Variants in CELF2 observed in about 807,000 individuals in gnomAD.
The protein encoded by CELF2 is CUGBP Elav-like family member 2.
A neutral mutation model predicts 62.6 loss-of-function variants in CELF2; 8 were observed. The observed-to-expected ratio is 0.13, with a 90% CI of 0.07 to 0.23. CELF2 has a LOEUF of 0.23. Among genes scored for constraint, CELF2 ranks in the 10% least tolerant of loss-of-function variants. CELF2 has a pLI of 1.00. For missense variants in CELF2, 333 were observed against 671.0 expected, an observed-to-expected ratio of 0.50 and a Z score of 5.56; for synonymous variants, 258 against 250.0, an observed-to-expected ratio of 1.03 and a Z score of -0.30.
intron 1 of CELF2, among the ~76,000 whole-genome samples, chr10:10,840,426 T>C (rs34460043): frequency 0.13 from 19,534 of 152,118 alleles, 1,613 homozygotes; most frequent in Non-Finnish European, 0.19. Flanking sequence ...TGGTATCTCA[T>C]TGTTGTTTAA....
chr10:10,762,708 A>G, the CELF2 span, among the ~76,000 whole-genome samples: 2 of 152,132 alleles, frequency 1.3e-5, no homozygotes, highest in African/African-American at 4.8e-5. Context: ...CTTACCCTCT[A>G]TGGTGAGCAG....
the CELF2 span, among the ~76,000 whole-genome samples, chr10:10,468,690 C>T: frequency 6.6e-6 from 1 of 151,968 alleles, no homozygotes. Context: ...GTTTTCTTCA[C>T]AATTTGATGT....
chr10:10,968,350 G>A (rs540262937), intron 2 of CELF2, among the ~76,000 whole-genome samples: 18 of 152,094 alleles, frequency 1.2e-4, no homozygotes, highest in Non-Finnish European at 2.4e-4. Context: ...GGTGGAATGC[G>A]TGATGATGTT....
chr10:10,524,293 G>T, the CELF2 span, among the ~76,000 whole-genome samples: 1 of 151,932 alleles, frequency 6.6e-6, no homozygotes, highest in Non-Finnish European at 1.5e-5. Flanking sequence ...AAGTTTAAAA[G>T]ATTATGTTCC....
intron 2 of CELF2, among the ~76,000 whole-genome samples, chr10:11,183,864 CTA>C (rs2074152156): frequency 6.6e-6 from 1 of 152,110 alleles, no homozygotes; most frequent in South Asian, 2.1e-4. Flanking sequence ...ATATTTACTG[CTA>C]GTTTGTTTCT....
intron 2 of CELF2, among the ~76,000 whole-genome samples, chr10:11,209,836 G>GA (rs2061374524): frequency 6.6e-6 from 1 of 152,116 alleles, no homozygotes; most frequent in Non-Finnish European, 1.5e-5. Flanking sequence ...GATTGAGGGA[G>GA]AAAATAGATG....
chr10:10,524,735 G>A, the CELF2 span, among the ~76,000 whole-genome samples: 8 of 151,918 alleles, frequency 5.3e-5, no homozygotes, highest in Non-Finnish European at 1.0e-4. Flanking sequence ...CACTTTGATT[G>A]AGCATGTTCT....
chr10:10,488,048 G>A, the CELF2 span, among the ~76,000 whole-genome samples: 1 of 152,068 alleles, frequency 6.6e-6, no homozygotes, highest in Non-Finnish European at 1.5e-5. Context: ...AACAGTTCAT[G>A]AGAAAACAAA....
chr10:11,022,001 G>A (rs183135111), intron 1 of CELF2, among the ~76,000 whole-genome samples: 103 of 152,236 alleles, frequency 6.8e-4, no homozygotes, highest in African/African-American at 2.3e-3. Context: ...GGTTTACAAG[G>A]TTCCAGCAAG....
chr10:10,634,629 G>A, the CELF2 span, among the ~76,000 whole-genome samples: 2 of 151,266 alleles, frequency 1.3e-5, no homozygotes, highest in Non-Finnish European at 2.9e-5. Context: ...CAAATTCTTA[G>A]AGGTTTAACA....
the CELF2 span, among the ~76,000 whole-genome samples, chr10:10,758,043 G>A: frequency 6.6e-6 from 1 of 152,200 alleles, no homozygotes; most frequent in Non-Finnish European, 1.5e-5. Context: ...GATATTGACA[G>A]ACCTATCAGC....
At chr10:10,660,946 T>C in the CELF2 span, among the ~76,000 whole-genome samples, 1 of 152,350 alleles carries the variant, frequency 6.6e-6, no homozygotes. Flanking sequence ...TGTCGGGGAC[T>C]CTGAATAACT....
chr10:10,764,496 A>G, the CELF2 span, among the ~76,000 whole-genome samples: 2 of 152,182 alleles, frequency 1.3e-5, no homozygotes, highest in Non-Finnish European at 2.9e-5. Flanking sequence ...GGCTCTGCAC[A>G]CCGCACAAGG....
At chr10:11,295,018 G>T (rs1565828247) in intron 9 of CELF2, among the ~76,000 whole-genome samples, 1 of 152,316 alleles carries the variant, frequency 6.6e-6, no homozygotes, top group East Asian at 1.9e-4. Context: ...AGTAGAAAGA[G>T]CACTGACCTC....
At chr10:10,587,866 C>T in the CELF2 span, among the ~76,000 whole-genome samples, 2 of 152,072 alleles carry the variant, frequency 1.3e-5, no homozygotes, top group African/African-American at 2.4e-5. Flanking sequence ...GCTCTGTGGG[C>T]TTGGTGAGCA....
the CELF2 span, among the ~76,000 whole-genome samples, chr10:10,465,098 A>T: frequency 6.6e-6 from 1 of 152,188 alleles, no homozygotes; most frequent in Non-Finnish European, 1.5e-5. Context: ...TTACACACAG[A>T]CATATGGACA....
intron 1 of CELF2, among the ~76,000 whole-genome samples, chr10:10,828,735 A>G (rs939343212): frequency 6.6e-6 from 1 of 152,254 alleles, no homozygotes; most frequent in African/African-American, 2.4e-5. Context: ...TTTATGTTCC[A>G]AACAGTATGT....
At chr10:10,497,133 C>T in the CELF2 span, among the ~76,000 whole-genome samples, 2 of 150,668 alleles carry the variant, frequency 1.3e-5, no homozygotes, top group African/African-American at 4.9e-5. Flanking sequence ...TGCAATGAGC[C>T]GAGATCGCGC....
intron 1 of CELF2, among the ~76,000 whole-genome samples, chr10:10,841,201 TATCCAGTAATGGG>T (rs2058658511): frequency 1.3e-5 from 2 of 152,202 alleles, no homozygotes; most frequent in African/African-American, 4.8e-5. Flanking sequence ...TTTGGATATA[TATCCAGTAATGGG>T]ATTGCTGGGT....
Sources: gnomAD v4.1 joint callset for allele counts (sites outside exome capture counted in the v4.1 genomes callset) on GRCh38, gnomAD v4.1.1 for gene constraint, MANE v1.5 for transcripts, NCBI Gene and HGNC (gene_info 2026-07-23, HGNC 2026-07-21) for gene names.